The following DIP2B variants were observed in gnomAD, a reference collection of about 807,000 sequenced individuals.
DIP2B encodes disco-interacting protein 2 homolog B.
In DIP2B, 76 loss-of-function variants were observed where a neutral mutation model predicts 198.0. That is an observed-to-expected ratio of 0.38 (90% confidence interval 0.32 to 0.46). The LOEUF (loss-of-function observed/expected upper bound fraction) is 0.46, where lower values mean the gene tolerates loss of function less well. Among genes scored for constraint, DIP2B ranks in the 20% least tolerant of loss-of-function variants. DIP2B has a pLI of 0.99. For synonymous variants in DIP2B, 701 were observed against 739.1 expected, an observed-to-expected ratio of 0.95 and a Z score of 0.84; for missense variants, 1,559 against 1,978.4, an observed-to-expected ratio of 0.79 and a Z score of 4.02.
chr12:50,706,640 T>C lies in DIP2B; in HGVS notation c.2509T>C (p.Ser837Pro). The change falls in exon 21 of 38, where the codon TCA becomes CCA. Residue 837 changes from serine (S) to proline (P), a missense_variant. Ser to Pro is a moderately conservative substitution (Grantham distance 74, BLOSUM62 -1). Coordinates refer to ENST00000301180, the MANE Select transcript of DIP2B (RefSeq NM_173602.3). ...DIVATGLAVE[S>P]IKTVYRGRIA... ...TGTTGCTACTGGATTGGCTGTAGAATCAATAAAGACTGTTTATAGAGGAAG... is the reference window on the plus strand; with the variant it reads ...TGTTGCTACTGGATTGGCTGTAGAACCAATAAAGACTGTTTATAGAGGAAG... 6.2e-7 allele frequency: 1 copy of C among 1,614,082 alleles called. No homozygotes were observed. The highest frequency in any genetic ancestry group is 1.1e-5 in the South Asian group (1 of 91,084).
intron 1 of DIP2B, among the ~76,000 whole-genome samples, chr12:50,560,604 A>G (rs1398163905): frequency 2.0e-5 from 3 of 152,044 alleles, no homozygotes; most frequent in African/African-American, 7.2e-5. Flanking sequence ...TTCAAAAATC[A>G]GCCAAGCGTG....
chr12:50,710,168 T>C (rs558062577), intron 22 of DIP2B, among the ~76,000 whole-genome samples: 2 of 152,196 alleles, frequency 1.3e-5, no homozygotes, highest in Non-Finnish European at 2.9e-5. Context: ...TTTGTCTCTT[T>C]TGTTCAGGGC....
intron 16 of DIP2B, 71 bp from the exon 17 acceptor site, chr12:50,696,990 T>C: frequency 8.5e-7 from 1 of 1,180,848 alleles, no homozygotes; most frequent in South Asian, 1.4e-5. Context: ...CAGCTTTCTA[T>C]TCTTTACCAT....
At position 50,683,142 on chromosome 12, in the gene DIP2B, C is replaced by A. The variant is rs868351729; in HGVS notation, c.1211C>A (p.Ala404Asp). Residue 404 changes from alanine to aspartate, a missense_variant, in exon 10 of 38, where the codon GCC (alanine) becomes GAC (aspartate). Transcript: ENST00000301180. ...GAATATCATTATGAATTTTAGGTAG[C>A]CCTGGTTTACCCCAACAATGATCCA... ...EPVLKPGDRV[A>D]LVYPNNDPVM... The A allele has an allele frequency of 6.2e-7, 1 of 1,603,884 alleles. No homozygotes were observed. Among genetic ancestry groups the A allele is most frequent in the Non-Finnish European group, 8.5e-7 (1 of 1,177,078 alleles).
intron 1 of DIP2B, among the ~76,000 whole-genome samples, chr12:50,601,560 G>A (rs1958936820): frequency 6.6e-6 from 1 of 151,976 alleles, no homozygotes; most frequent in Non-Finnish European, 1.5e-5. Context: ...GGATGGTCTC[G>A]ATCTCCTGAC....
chr12:50,619,765 A>G (rs1937772569), intron 1 of DIP2B, among the ~76,000 whole-genome samples: 2 of 152,164 alleles, frequency 1.3e-5, no homozygotes, highest in South Asian at 4.1e-4. Context: ...AGATGTAGAA[A>G]CTGAGGCTCT....
chr12:50,609,798 C>A (rs1959016208), intron 1 of DIP2B, among the ~76,000 whole-genome samples: 2 of 152,212 alleles, frequency 1.3e-5, no homozygotes, highest in African/African-American at 4.8e-5. Flanking sequence ...AATCCCTTGG[C>A]ACACAAACTG....
intron 26 of DIP2B, 44 bp from the exon 27 acceptor site, chr12:50,723,158 T>A (rs1031484448): frequency 6.2e-7 from 1 of 1,612,106 alleles, no homozygotes; most frequent in Non-Finnish European, 8.5e-7. Flanking sequence ...TCAGTGCTCT[T>A]AGGCAGTTCA....
intron 1 of DIP2B, among the ~76,000 whole-genome samples, chr12:50,507,569 T>G (rs1460232658): frequency 6.6e-6 from 1 of 152,238 alleles, no homozygotes; most frequent in Non-Finnish European, 1.5e-5. Flanking sequence ...TTGTTTTTTT[T>G]GAGATGGAGT....
intron 1 of DIP2B, among the ~76,000 whole-genome samples, chr12:50,611,692 C>T (rs1959033342): frequency 6.6e-6 from 1 of 152,076 alleles, no homozygotes; most frequent in African/African-American, 2.4e-5. Flanking sequence ...TCCCTTCAGT[C>T]GCTCTTTCAC....
intron 31 of DIP2B, among the ~76,000 whole-genome samples, chr12:50,731,743 TCTTA>T (rs1157949229): frequency 1.3e-5 from 2 of 152,232 alleles, no homozygotes; most frequent in African/African-American, 4.8e-5. Context: ...TTAATATGAT[TCTTA>T]CTTTGTGGAC....
At chr12:50,523,233 A>G (rs1032709436) in intron 1 of DIP2B, among the ~76,000 whole-genome samples, 1 of 152,230 alleles carries the variant, frequency 6.6e-6, no homozygotes, top group Non-Finnish European at 1.5e-5. Context: ...ACGTAAGCAC[A>G]TCCTCTTGTT....
chr12:50,641,664 G>T (rs1222718527), intron 3 of DIP2B, among the ~76,000 whole-genome samples: 3 of 152,194 alleles, frequency 2.0e-5, no homozygotes, highest in Non-Finnish European at 4.4e-5. Context: ...GGAGCAAGGT[G>T]TGCCTGCATG....
At chr12:50,515,725 G>T (rs916646745) in intron 1 of DIP2B, among the ~76,000 whole-genome samples, 24 of 152,084 alleles carry the variant, frequency 1.6e-4, no homozygotes, top group Non-Finnish European at 2.9e-4. Context: ...TCTTATCTGT[G>T]CCCAGGGCTT....
At chr12:50,695,010 A>G (rs951207815) in intron 14 of DIP2B, among the ~76,000 whole-genome samples, 17 of 152,188 alleles carry the variant, frequency 1.1e-4, no homozygotes, top group African/African-American at 3.6e-4. Context: ...ATCTATGAAA[A>G]TGCATTGAAA....
intron 1 of DIP2B, among the ~76,000 whole-genome samples, chr12:50,575,400 T>G (rs1180911977): frequency 6.6e-6 from 1 of 151,968 alleles, no homozygotes; most frequent in African/African-American, 2.4e-5. Flanking sequence ...TGTTTTTTTT[T>G]GAGACAGGGT....
intron 1 of DIP2B, among the ~76,000 whole-genome samples, chr12:50,611,480 GT>G (rs1959031554): frequency 6.6e-6 from 1 of 152,126 alleles, no homozygotes; most frequent in Non-Finnish European, 1.5e-5. Flanking sequence ...GGCGTGGGTT[GT>G]TTTTATTTAA....
At chr12:50,520,940 C>T (rs1052164363) in intron 1 of DIP2B, among the ~76,000 whole-genome samples, 26 of 152,000 alleles carry the variant, frequency 1.7e-4, no homozygotes, top group East Asian at 7.7e-4. Context: ...GCATTTGTAG[C>T]GAGTATTTTC....
At chr12:50,593,094 T>C (rs1159617116) in intron 1 of DIP2B, among the ~76,000 whole-genome samples, 1 of 152,204 alleles carries the variant, frequency 6.6e-6, no homozygotes, top group Admixed American at 6.5e-5. Flanking sequence ...TCTACAGCCT[T>C]TCTCATTGTT....
Sources: allele counts gnomAD v4.1 joint callset (sites outside exome capture counted in the v4.1 genomes callset), GRCh38; gene constraint gnomAD v4.1.1; transcripts MANE v1.5; gene names NCBI Gene and HGNC (gene_info 2026-07-23, HGNC 2026-07-21).